OTOGL: variants seen among roughly 807,000 people sequenced by gnomAD.
The protein encoded by OTOGL is otogelin like.
A neutral mutation model predicts 318.5 loss-of-function variants in OTOGL; 285 were observed. The ratio of observed to expected loss-of-function variants is 0.89; its 90% CI spans 0.81 to 0.99. The LOEUF (loss-of-function observed/expected upper bound fraction) is 0.99, where lower values mean the gene tolerates loss of function less well. Ranked by LOEUF, OTOGL falls within the 50% of genes least tolerant of loss-of-function variation. The pLI is 0.00. For missense variants in OTOGL, 2,899 were observed against 2,845.6 expected, an observed-to-expected ratio of 1.02 and a Z score of -0.43; for synonymous variants, 987 against 936.5, an observed-to-expected ratio of 1.05 and a Z score of -0.99.
chr12:80,146,757 A>C (rs1290392434), intron 1 of OTOGL, among the ~76,000 whole-genome samples: 1 of 151,282 alleles, frequency 6.6e-6, no homozygotes, highest in Non-Finnish European at 1.5e-5. Flanking sequence ...GTCTATTCAG[A>C]GATTCAACTT....
chr12:80,226,177 AACACACACACACACACACACACACAC>A (rs35975748), intron 7 of OTOGL, among the ~76,000 whole-genome samples: 1 of 132,896 alleles, frequency 7.5e-6, no homozygotes, highest in African/African-American at 2.8e-5. Flanking sequence ...TCCTGCTCCT[AACACACACACACACACACACACACAC>A]ACACACACAC....
intron 32 of OTOGL, among the ~76,000 whole-genome samples, chr12:80,317,125 G>C (rs1887021823): frequency 6.6e-6 from 1 of 152,058 alleles, no homozygotes; most frequent in Admixed American, 6.6e-5. Context: ...CATTTGAAAT[G>C]CTATTTCTGT....
At chr12:80,350,875 GTTTAC>G (rs763879732) in intron 44 of OTOGL, among the ~76,000 whole-genome samples, 16 of 152,088 alleles carry the variant, frequency 1.1e-4, no homozygotes, top group Non-Finnish European at 2.2e-4. Flanking sequence ...TACATTGATT[GTTTAC>G]TTTGCTGTGC....
intron 58 of OTOGL, 48 bp downstream of exon 58, chr12:80,377,250 G>A (rs1415970417): frequency 7.1e-7 from 1 of 1,413,554 alleles, no homozygotes; most frequent in Non-Finnish European, 9.8e-7. Context: ...CATCTTTTTA[G>A]AAAGTATGTG....
chr12:80,310,814 G>A lies in OTOGL; in HGVS notation c.3450+87G>A, dbSNP rs191779361. 39 of 1,045,640 alleles carry A rather than the reference G, an allele frequency of 3.7e-5. No homozygotes were observed. In the Admixed American group the frequency reaches 9.5e-4, roughly 25 times the overall value. The allele number at this position is 1,045,640 out of a possible 1,614,324, so 64.8% of individuals were successfully genotyped here. ...AGGTGAACACGACACGTAACTGGGT[G>A]ATCCACTGGCTTTTTAGATATACCA... On this transcript the variant is annotated intron_variant, in intron 30 of 58. Coordinates refer to ENST00000547103, the MANE Select transcript of OTOGL (RefSeq NM_001378609.3).
intron 1 of OTOGL, among the ~76,000 whole-genome samples, chr12:80,148,585 A>C (rs1217226059): frequency 6.6e-6 from 1 of 151,556 alleles, no homozygotes; most frequent in Non-Finnish European, 1.5e-5. Flanking sequence ...TATTTCCTGA[A>C]TCTGAATGTT....
chr12:80,191,942 C>T (rs1041028389), intron 1 of OTOGL, among the ~76,000 whole-genome samples: 1 of 152,164 alleles, frequency 6.6e-6, no homozygotes, highest in African/African-American at 2.4e-5. Flanking sequence ...ATATTTCATT[C>T]AATTTTGCTT....
At chr12:80,296,789 T>C (rs1448767034) in intron 26 of OTOGL, 38 bp from the exon 27 acceptor site, 2 of 1,320,532 alleles carry the variant, frequency 1.5e-6, no homozygotes, top group Admixed American at 2.4e-5. Flanking sequence ...ATATAGGTTG[T>C]ATATATTTGT....
intron 1 of OTOGL, among the ~76,000 whole-genome samples, chr12:80,128,901 A>T (rs1266318544): frequency 1.3e-5 from 2 of 152,172 alleles, no homozygotes; most frequent in Admixed American, 6.5e-5. Context: ...GCACAGTATT[A>T]GGGTGGGAGT....
intron 1 of OTOGL, among the ~76,000 whole-genome samples, chr12:80,144,757 G>A (rs1224921588): frequency 6.6e-6 from 1 of 152,162 alleles, no homozygotes; most frequent in Admixed American, 6.5e-5. Flanking sequence ...TCTAACTAGT[G>A]TGAGATGGTA....
intron 26 of OTOGL, among the ~76,000 whole-genome samples, chr12:80,286,342 GT>G (rs1326576155): frequency 1.3e-5 from 2 of 152,074 alleles, no homozygotes; most frequent in Non-Finnish European, 2.9e-5. Flanking sequence ...TTCTTATTTT[GT>G]TGTGTTTCTG....
At chr12:80,113,775 A>T (rs545221540) in intron 1 of OTOGL, among the ~76,000 whole-genome samples, 40 of 152,268 alleles carry the variant, frequency 2.6e-4, no homozygotes, top group African/African-American at 9.6e-4. Flanking sequence ...GTCTCTAAGA[A>T]CTTGCTTTAT....
At chr12:80,278,777 A>G (rs549515197) in intron 25 of OTOGL, among the ~76,000 whole-genome samples, 7 of 151,552 alleles carry the variant, frequency 4.6e-5, no homozygotes, top group Non-Finnish European at 1.0e-4. Flanking sequence ...TCATTCTATC[A>G]TCTACTTTCT....
At chr12:80,282,512 A>T (rs952741591) in intron 26 of OTOGL, among the ~76,000 whole-genome samples, 2 of 150,862 alleles carry the variant, frequency 1.3e-5, no homozygotes, top group Admixed American at 1.3e-4. Flanking sequence ...ATTATAACGG[A>T]TGGTAAGTTG....
chr12:80,191,062 C>T (rs1592531797), intron 1 of OTOGL, among the ~76,000 whole-genome samples: 1 of 152,226 alleles, frequency 6.6e-6, no homozygotes, highest in East Asian at 1.9e-4. Flanking sequence ...GGCCTTAGAC[C>T]ACCTTCTCTT....
At chr12:80,316,464 C>T (rs1290272436) in intron 32 of OTOGL, among the ~76,000 whole-genome samples, 1 of 152,154 alleles carries the variant, frequency 6.6e-6, no homozygotes, top group Non-Finnish European at 1.5e-5. Context: ...CTACATTTTG[C>T]TCTCTGTTAA....
At chr12:80,316,289 A>G (rs74108587) in intron 32 of OTOGL, among the ~76,000 whole-genome samples, 7,718 of 152,242 alleles carry the variant, frequency 0.051, 678 homozygotes, top group African/African-American at 0.18. Flanking sequence ...ACAATCTGAG[A>G]AAATGCTCCA....
intron 27 of OTOGL, among the ~76,000 whole-genome samples, chr12:80,301,231 T>A (rs1885738294): frequency 6.6e-6 from 1 of 152,192 alleles, no homozygotes; most frequent in South Asian, 2.1e-4. Flanking sequence ...ATTTTTGAAG[T>A]TATTATATGA....
chr12:80,227,289 G>A (rs1017970872), intron 7 of OTOGL, among the ~76,000 whole-genome samples: 8 of 151,872 alleles, frequency 5.3e-5, no homozygotes, highest in Middle Eastern at 3.4e-3. Flanking sequence ...TTTGAATTTC[G>A]TTTTCAGCAA....
Sources: allele counts gnomAD v4.1 joint callset (sites outside exome capture counted in the v4.1 genomes callset), GRCh38; gene constraint gnomAD v4.1.1; transcripts MANE v1.5; gene names NCBI Gene and HGNC (gene_info 2026-07-23, HGNC 2026-07-21).